Variants in RBFOX1 observed in about 807,000 individuals in gnomAD.
RBFOX1 encodes the protein RNA binding protein fox-1 homolog 1.
A neutral mutation model predicts 57.7 loss-of-function variants in RBFOX1; 8 were observed. That is an observed-to-expected ratio of 0.14 (90% confidence interval 0.08 to 0.25). The LOEUF is 0.25. Ranked by LOEUF, RBFOX1 falls within the 10% of genes least tolerant of loss-of-function variation. RBFOX1 has a pLI of 1.00. For missense variants in RBFOX1, 611 were observed against 548.5 expected, an observed-to-expected ratio of 1.11 and a Z score of -1.14; for synonymous variants, 326 against 222.4, an observed-to-expected ratio of 1.47 and a Z score of -4.15.
At chr16:6,715,911 T>G (rs901031964) in intron 3 of RBFOX1, among the ~76,000 whole-genome samples, 2 of 152,208 alleles carry the variant, frequency 1.3e-5, no homozygotes, top group African/African-American at 4.8e-5. Context: ...TATTACAGCC[T>G]CATACCCTGC....
At chr16:7,414,556 C>T (rs1423059353) in intron 4 of RBFOX1, among the ~76,000 whole-genome samples, 1 of 152,166 alleles carries the variant, frequency 6.6e-6, no homozygotes, top group Non-Finnish European at 1.5e-5. Flanking sequence ...ATAGTAGGAA[C>T]TTGTTGAAGG....
chr16:6,468,324 A>G (rs969521322), intron 2 of RBFOX1, among the ~76,000 whole-genome samples: 7 of 152,188 alleles, frequency 4.6e-5, no homozygotes, highest in East Asian at 1.9e-4. Context: ...GCAAGGCTAC[A>G]TTCATCATAG....
At chr16:5,271,187 G>T (rs1473865638) in intron 1 of RBFOX1, among the ~76,000 whole-genome samples, 2 of 150,788 alleles carry the variant, frequency 1.3e-5, no homozygotes, top group African/African-American at 2.4e-5. Flanking sequence ...TCTCCAAAAA[G>T]AAAAAAGAAA....
chr16:6,897,245 T>C (rs2067164603), intron 3 of RBFOX1, among the ~76,000 whole-genome samples: 1 of 152,150 alleles, frequency 6.6e-6, no homozygotes, highest in Admixed American at 6.6e-5. Flanking sequence ...AATATTTGCA[T>C]TCCCCGTCTT....
At chr16:7,034,841 C>CTTTATTTTTTTTTTTT (rs2043856073) in intron 3 of RBFOX1, among the ~76,000 whole-genome samples, 1 of 39,166 alleles carries the variant, frequency 2.6e-5, no homozygotes, top group Non-Finnish European at 4.4e-5. Flanking sequence ...TTTTTTTTTT[C>CTTTATTTTTTTTTTTT]TTTTTTCTTT....
At chr16:6,779,957 ATATATTTATATATATT>A (rs2080288630) in intron 3 of RBFOX1, among the ~76,000 whole-genome samples, 8 of 70,608 alleles carry the variant, frequency 1.1e-4, no homozygotes, top group Non-Finnish European at 1.6e-4. Flanking sequence ...TTATATATTT[ATATATTTATATATATT>A]TATATATTTA....
At chr16:7,654,660 G>T (rs944103833) in intron 12 of RBFOX1, among the ~76,000 whole-genome samples, 2 of 152,116 alleles carry the variant, frequency 1.3e-5, no homozygotes, top group Non-Finnish European at 2.9e-5. Context: ...AATGATACTG[G>T]TGTGTTTGGT....
At chr16:6,647,298 C>T (rs1361322086) in intron 2 of RBFOX1, among the ~76,000 whole-genome samples, 1 of 152,110 alleles carries the variant, frequency 6.6e-6, no homozygotes, top group Admixed American at 6.6e-5. Context: ...GGCTCTAGTG[C>T]AGTGACGTGA....
At chr16:7,497,229 C>G (rs141487076) in intron 4 of RBFOX1, among the ~76,000 whole-genome samples, 1 of 152,166 alleles carries the variant, frequency 6.6e-6, no homozygotes, top group African/African-American at 2.4e-5. Flanking sequence ...TATTTTCTAG[C>G]CCCAGTTCCT....
chr16:7,283,433 G>T (rs1428427964), intron 4 of RBFOX1, among the ~76,000 whole-genome samples: 2 of 151,990 alleles, frequency 1.3e-5, no homozygotes, highest in Non-Finnish European at 2.9e-5. Context: ...GAGCTCACTA[G>T]GTAGATGATG....
chr16:5,999,902 AAAAAAGAG>A lies in RBFOX1; in HGVS notation c.351+132568_351+132575del, dbSNP rs1567239216. 1.7e-3 allele frequency among the ~76,000 whole-genome samples: 62 copies of A among 37,404 alleles called. 12 individuals carry two copies. The highest frequency in any genetic ancestry group is 0.013 in the East Asian group (27 of 2,104). The allele number at this position is 37,404 out of a possible 152,430, so 24.5% of individuals were successfully genotyped here. A position where few individuals can be genotyped will look rare whatever the true frequency, so the allele number is the denominator to read the frequency against. ...AAAAAAAAAAAAAAAAAAAAAAAAA[AAAAAAGAG>A]TGAAGAAGGGAAATCAGACAAGGAA... On this transcript the variant is annotated intron_variant, in intron 4 of 19. Coordinates refer to the RBFOX1 transcript ENST00000641259.
chr16:6,887,644 G>C (rs2064395030), intron 3 of RBFOX1, among the ~76,000 whole-genome samples: 1 of 148,854 alleles, frequency 6.7e-6, no homozygotes, highest in Admixed American at 6.7e-5. Context: ...GGGTTTGGTT[G>C]TTTTTGCTGT....
intron 4 of RBFOX1, among the ~76,000 whole-genome samples, chr16:7,100,557 T>TA (rs2062503071): frequency 7.1e-6 from 1 of 140,188 alleles, no homozygotes; most frequent in South Asian, 2.3e-4. Flanking sequence ...CATGGGTTTT[T>TA]AAAGGTTGTT....
At position 5,649,920 on chromosome 16, in the gene RBFOX1, G is replaced by A. The variant is rs564890969; in HGVS notation, c.318+50959G>A. ...GGATGTGAAGCACTTCATCAGAGGAGGTAGCACTCGAGTTCGCAAGAATCG... is the reference window on the plus strand; with the variant it reads ...GGATGTGAAGCACTTCATCAGAGGAAGTAGCACTCGAGTTCGCAAGAATCG... On this transcript the variant is annotated intron_variant, in intron 3 of 19. Coordinates refer to the RBFOX1 transcript ENST00000641259. 5.9e-3 allele frequency among the ~76,000 whole-genome samples: 900 copies of A among 152,220 alleles called. 10 individuals are homozygous for A. The highest frequency in any genetic ancestry group is 0.02 in the African/African-American group (821 of 41,548).
rs190998404 is a variant in RBFOX1, at chr16:6,834,985, C to T, written c.-16+180335C>T. ...TTGGTTCACTGTAAGCTTCATCTCC[C>T]AGGTTCACGCCATTCTCCTGCCTCA... On this transcript the variant is annotated intron_variant, in intron 3 of 15. Coordinates refer to ENST00000550418, the MANE Select transcript of RBFOX1 (RefSeq NM_018723.4). Among the ~76,000 whole-genome samples, 14 of 151,386 alleles carry T rather than the reference C, an allele frequency of 9.2e-5. No homozygotes were observed. The Middle Eastern group carries it at 0.024, about 265-fold the overall frequency.
intron 2 of RBFOX1, among the ~76,000 whole-genome samples, chr16:6,440,038 GC>G (rs2094343729): frequency 7.4e-6 from 1 of 135,262 alleles, no homozygotes; most frequent in East Asian, 2.4e-4. Context: ...CTGGGTTCAA[GC>G]AATCCTCCTG....
chr16:7,039,728 T>C (rs1239124361), intron 3 of RBFOX1, among the ~76,000 whole-genome samples: 1 of 152,170 alleles, frequency 6.6e-6, no homozygotes, highest in Non-Finnish European at 1.5e-5. Context: ...AAGCAGTGGG[T>C]ATGATTACAA....
intron 2 of RBFOX1, among the ~76,000 whole-genome samples, chr16:6,478,409 ATATATATATATATATATATATTTTT>A (rs1459096367): frequency 1.6e-4 from 5 of 30,660 alleles, no homozygotes; most frequent in African/African-American, 7.7e-4. Context: ...ATATATATAT[ATATATATATATATATATATATTTTT>A]TTTTTTTTTT....
chr16:7,223,472 AATG>A, intron 4 of RBFOX1, among the ~76,000 whole-genome samples: 1 of 152,236 alleles, frequency 6.6e-6, no homozygotes, highest in Admixed American at 6.5e-5. Context: ...TGGTAATGCG[AATG>A]ATAGAATATT....
Sources: gnomAD v4.1 joint callset for allele counts (sites outside exome capture counted in the v4.1 genomes callset) on GRCh38, gnomAD v4.1.1 for gene constraint, MANE v1.5 for transcripts, NCBI Gene and HGNC (gene_info 2026-07-23, HGNC 2026-07-21) for gene names.